The following PLCG2 variants were observed in gnomAD, a reference collection of about 807,000 sequenced individuals.
PLCG2 encodes 1-phosphatidylinositol 4,5-bisphosphate phosphodiesterase gamma-2.
In PLCG2, 69 loss-of-function variants were observed where a neutral mutation model predicts 175.6. That is an observed-to-expected ratio of 0.39 (90% CI 0.32 to 0.48). PLCG2 has a LOEUF of 0.48. Among genes scored for constraint, PLCG2 ranks in the 20% least tolerant of loss-of-function variants. The probability of loss-of-function intolerance (pLI) is 0.91; values close to 1 mark genes in which losing one functional copy is unlikely to be tolerated. For missense variants in PLCG2, 1,798 were observed against 1,650.9 expected, an observed-to-expected ratio of 1.09 and a Z score of -1.54; for synonymous variants, 827 against 624.0, an observed-to-expected ratio of 1.33 and a Z score of -4.85.
At chr16:81,954,960 T>C (rs1034102419) in intron 31 of PLCG2, among the ~76,000 whole-genome samples, 2 of 152,164 alleles carry the variant, frequency 1.3e-5, no homozygotes, top group African/African-American at 4.8e-5. Context: ...CCACCGACAG[T>C]GTAAAAGTGT....
intron 2 of PLCG2, among the ~76,000 whole-genome samples, chr16:81,841,776 T>G (rs1309536638): frequency 1.3e-5 from 2 of 152,216 alleles, no homozygotes; most frequent in African/African-American, 4.8e-5. Flanking sequence ...GTTCTTCTGC[T>G]GTGTATCTCA....
intron 2 of PLCG2, among the ~76,000 whole-genome samples, chr16:81,810,785 G>A (rs139782896): frequency 6.6e-6 from 1 of 152,110 alleles, no homozygotes; most frequent in African/African-American, 2.4e-5. Flanking sequence ...GCACTGTATT[G>A]AGTTCTGATA....
In PLCG2 at chr16:81,858,249, T is replaced by C. The variant is rs375485033; in HGVS notation, c.338-14T>C. ...GAATTAACACAGCATTTCTGTTCCCTTTCTCCACTCCAGCTGACTCTAAAG... is the reference window on the plus strand; with the variant it reads ...GAATTAACACAGCATTTCTGTTCCCCTTCTCCACTCCAGCTGACTCTAAAG... On this transcript the variant is annotated splice_polypyrimidine_tract_variant and intron_variant, in intron 3 of 32. Coordinates refer to ENST00000564138, the MANE Select transcript of PLCG2 (RefSeq NM_002661.5). 20 of 1,582,162 alleles carry C rather than the reference T, an allele frequency of 1.3e-5. No homozygotes were observed. The African/African-American group carries it at 2.3e-4, about 18-fold the overall frequency.
At chr16:81,899,289 T>TATATATAC (rs908648451) in intron 13 of PLCG2, among the ~76,000 whole-genome samples, 1,812 of 92,418 alleles carry the variant, frequency 0.02, 37 homozygotes, top group African/African-American at 0.065. Flanking sequence ...TATATATATA[T>TATATATAC]ACACACACAC....
chr16:81,937,867 G>A lies in PLCG2; in HGVS notation c.3162G>A (p.Glu1054=). The A allele has an allele frequency of 1.2e-6, 2 of 1,614,136 alleles. No homozygotes were observed. The highest frequency in any genetic ancestry group is 1.3e-5 in the African/African-American group (1 of 75,030). ...RTEKYDPMPP[E]SQRKILMTLT... ...AGAAATATGACCCGATGCCACCCGAGTCCCAGAGGAAGATCCTGATGACGC... is the reference window on the plus strand; with the variant it reads ...AGAAATATGACCCGATGCCACCCGAATCCCAGAGGAAGATCCTGATGACGC... Residue 1054 remains glutamate, a synonymous_variant, in exon 28 of 33, where the codon GAG becomes GAA. Transcript: ENST00000564138.
chr16:81,789,760 A>G (rs910460875), intron 2 of PLCG2, among the ~76,000 whole-genome samples: 3 of 151,792 alleles, frequency 2.0e-5, no homozygotes, highest in African/African-American at 7.3e-5. Flanking sequence ...CTGGAGAGAC[A>G]CTGCCCTTCC....
chr16:81,829,825 G>A (rs1183380880), intron 2 of PLCG2, among the ~76,000 whole-genome samples: 2 of 152,030 alleles, frequency 1.3e-5, no homozygotes, highest in Non-Finnish European at 2.9e-5. Context: ...ATTGCAGAGG[G>A]TGCTGTGGTA....
chr16:81,773,463 A>C (rs1417660388), intron 2 of PLCG2, among the ~76,000 whole-genome samples: 2 of 152,178 alleles, frequency 1.3e-5, no homozygotes, highest in East Asian at 3.8e-4. Flanking sequence ...TGTTGGAGAC[A>C]CAGGGGGGTA....
intron 25 of PLCG2, among the ~76,000 whole-genome samples, chr16:81,932,333 C>CCTAA (rs1403456457): frequency 2.0e-5 from 3 of 152,216 alleles, no homozygotes; most frequent in African/African-American, 7.2e-5. Flanking sequence ...GAGCCAAATT[C>CCTAA]CTAACTCACA....
At chr16:81,862,929 T>C (rs1012510954) in intron 5 of PLCG2, among the ~76,000 whole-genome samples, 4 of 152,114 alleles carry the variant, frequency 2.6e-5, no homozygotes, top group Non-Finnish European at 5.9e-5. Flanking sequence ...ACAATTGTGC[T>C]GTTGAGAGCT....
chr16:81,778,025 A>AAC (rs1179837346), upstream of PLCG2, among the ~76,000 whole-genome samples: 7 of 60,620 alleles, frequency 1.2e-4, no homozygotes, highest in African/African-American at 5.1e-4. Context: ...TCAAAAAAAA[A>AAC]AAAAAACAAA....
Position 81,854,500 on chromosome 16 carries a change from C to G in PLCG2, c.250C>G (p.Arg84Gly). Residue 84 changes from arginine (R) to glycine (G), a missense_variant, in exon 3 of 33, where the codon CGA becomes GGA. By Grantham distance (125) the Arg-to-Gly change is moderately radical (BLOSUM62 -2). Transcript: ENST00000564138. Reference sequence around the variant, plus strand: ...AGGGAAGAACTCCAAAGATTTCGAGCGAGCAAAAGCAGTTCGCCAGAAAGA... The same window carrying G: ...AGGGAAGAACTCCAAAGATTTCGAGGGAGCAAAAGCAGTTCGCCAGAAAGA... ...RPGKNSKDFE[R>G]AKAVRQKEDC... The G allele has an allele frequency of 6.2e-7, 1 of 1,613,858 alleles. No individual in the cohort carries two copies. The highest frequency in any genetic ancestry group is 8.5e-7 in the Non-Finnish European group (1 of 1,179,726).
chr16:81,835,249 A>T (rs912619761), intron 2 of PLCG2, among the ~76,000 whole-genome samples: 102 of 152,230 alleles, frequency 6.7e-4, no homozygotes, highest in African/African-American at 2.3e-3. Flanking sequence ...TAGGTGAAGC[A>T]GTTAATATAC....
chr16:81,863,811 A>G (rs1056493564), intron 5 of PLCG2, among the ~76,000 whole-genome samples: 1 of 152,204 alleles, frequency 6.6e-6, no homozygotes, highest in Non-Finnish European at 1.5e-5. Flanking sequence ...TTTGTCCTTT[A>G]GCCCTGGCAG....
intron 7 of PLCG2, among the ~76,000 whole-genome samples, chr16:81,878,540 A>T (rs1235767692): frequency 6.6e-6 from 1 of 152,026 alleles, no homozygotes; most frequent in East Asian, 1.9e-4. Context: ...AGCCCCATTT[A>T]TCTGCCCCCT....
At chr16:81,912,459 C>A in intron 18 of PLCG2, 138 bp from the exon 19 acceptor site, 1 of 1,006,898 alleles carries the variant, frequency 9.9e-7, no homozygotes, top group Non-Finnish European at 1.4e-6. Context: ...TCTGGGGAAG[C>A]CCACTGTGTG....
chr16:81,897,139 A>C (rs1285908670), intron 13 of PLCG2, among the ~76,000 whole-genome samples: 1 of 152,268 alleles, frequency 6.6e-6, no homozygotes, highest in Non-Finnish European at 1.5e-5. Flanking sequence ...CATTACAAAA[A>C]TAGATGGCAG....
rs147135703 is a variant in PLCG2 at position 81,804,470 on chromosome 16, G to A, written c.193+18288G>A. 2.9e-3 allele frequency among the ~76,000 whole-genome samples: 440 copies of A among 152,334 alleles called. 2 individuals are homozygous for A. The highest frequency in any genetic ancestry group is 0.01 in the African/African-American group (422 of 41,584). Reference sequence around the variant, plus strand: ...GCAACTCTGGATATGTTAGCTTGCAGCACATGGGCATGGACACTGATTGGC... The same window carrying A: ...GCAACTCTGGATATGTTAGCTTGCAACACATGGGCATGGACACTGATTGGC... On this transcript the variant is annotated intron_variant, in intron 2 of 32. Transcript: ENST00000564138.
chr16:81,928,391 C>T (rs1412029248), intron 23 of PLCG2, among the ~76,000 whole-genome samples, 167 bp from the exon 24 acceptor site: 1 of 152,142 alleles, frequency 6.6e-6, no homozygotes, highest in Non-Finnish European at 1.5e-5. Context: ...CCTATCAGCT[C>T]CATGCTTCAT....
Sources: allele counts gnomAD v4.1 joint callset (sites outside exome capture counted in the v4.1 genomes callset), GRCh38; gene constraint gnomAD v4.1.1; transcripts MANE v1.5; gene names NCBI Gene and HGNC (gene_info 2026-07-23, HGNC 2026-07-21).